AGBL1: variants seen among roughly 807,000 people sequenced by gnomAD.
AGBL1 encodes the protein cytosolic carboxypeptidase 4.
Under a neutral mutation model 118.9 loss-of-function variants are expected in AGBL1, and 130 were observed. The ratio of observed to expected loss-of-function variants is 1.09; its 90% CI spans 0.95 to 1.26. The LOEUF is 1.26. Ranked by LOEUF, AGBL1 falls within the 50% of genes most tolerant of loss-of-function variation. The probability of loss-of-function intolerance (pLI) is 0.00; values close to 1 mark genes in which losing one functional copy is unlikely to be tolerated. For synonymous variants in AGBL1, 555 were observed against 478.9 expected (o/e 1.16, Z -2.08); for missense variants, 1,584 against 1,298.1 (o/e 1.22, Z -3.38).
chr15:86,454,816 A>T (rs1315652187), intron 18 of AGBL1, among the ~76,000 whole-genome samples: 1 of 152,168 alleles, frequency 6.6e-6, no homozygotes, highest in Non-Finnish European at 1.5e-5. Flanking sequence ...GTGATTACAG[A>T]GATGTACCCG....
At chr15:86,990,203 T>C (rs538911762) in intron 24 of AGBL1, among the ~76,000 whole-genome samples, 15 of 152,112 alleles carry the variant, frequency 9.9e-5, no homozygotes, top group Middle Eastern at 6.8e-3. Flanking sequence ...TGAGAGAGGA[T>C]AGGGGCTTGG....
chr15:86,184,349 T>G (rs1163891348), intron 5 of AGBL1, among the ~76,000 whole-genome samples: 1 of 151,950 alleles, frequency 6.6e-6, no homozygotes, highest in Non-Finnish European at 1.5e-5. Context: ...AGTATAAGAG[T>G]GTATATTGGA....
chr15:86,843,593 G>C (rs898515004), intron 22 of AGBL1, among the ~76,000 whole-genome samples: 1 of 152,102 alleles, frequency 6.6e-6, no homozygotes, highest in African/African-American at 2.4e-5. Flanking sequence ...CCCCCAGGCA[G>C]GGAAATAAGG....
intron 1 of AGBL1, chr15:86,116,560 A>G (rs1332348312): frequency 6.6e-6 from 1 of 152,250 alleles, no homozygotes; most frequent in Non-Finnish European, 1.5e-5. Context: ...CAACACAAAG[A>G]CAGAGGAATG....
At chr15:86,770,465 A>G (rs991336642) in intron 22 of AGBL1, among the ~76,000 whole-genome samples, 3 of 151,978 alleles carry the variant, frequency 2.0e-5, no homozygotes, top group South Asian at 2.1e-4. Flanking sequence ...CCAGTTTCCT[A>G]CAACAGAATT....
intron 22 of AGBL1, among the ~76,000 whole-genome samples, chr15:86,734,250 C>G (rs533861253): frequency 6.6e-6 from 1 of 152,192 alleles, no homozygotes; most frequent in African/African-American, 2.4e-5. Context: ...GAAAACCAGG[C>G]TTGTGTGACT....
intron 4 of AGBL1, among the ~76,000 whole-genome samples, chr15:86,155,931 T>A (rs530585988): frequency 1.1e-4 from 16 of 152,182 alleles, no homozygotes; most frequent in African/African-American, 3.1e-4. Context: ...AATTTTTTTT[T>A]ATTTTTTTGA....
chr15:86,481,488 A>G (rs2082651132), intron 18 of AGBL1, among the ~76,000 whole-genome samples: 1 of 152,114 alleles, frequency 6.6e-6, no homozygotes, highest in Admixed American at 6.5e-5. Context: ...TCTGAATCCT[A>G]AGACATGTTG....
In AGBL1 at chr15:86,891,900, T is replaced by C. The variant is rs113922166; in HGVS notation, c.3159-15187T>C. ...GTTCAGTGGAGTTTCATCAACTAAT[T>C]AGGTAAATAGTTTGAATTACATGTC... On this transcript the variant is annotated intron_variant, in intron 22 of 22. Coordinates refer to ENST00000614907, the MANE Select transcript of AGBL1 (RefSeq NM_001386094.1). 7.9e-5 allele frequency among the ~76,000 whole-genome samples: 12 copies of C among 152,256 alleles called. 2 individuals carry two copies. Among genetic ancestry groups the C allele is most frequent in the African/African-American group, 2.9e-4 (12 of 41,570 alleles).
At chr15:86,526,463 A>C (rs1030883967) in intron 19 of AGBL1, among the ~76,000 whole-genome samples, 3 of 150,650 alleles carry the variant, frequency 2.0e-5, no homozygotes, top group Admixed American at 2.0e-4. Flanking sequence ...ATATGGAATC[A>C]ACCTAAGTCC....
At chr15:86,640,379 G>T (rs2085171040) in intron 21 of AGBL1, among the ~76,000 whole-genome samples, 1 of 152,014 alleles carries the variant, frequency 6.6e-6, no homozygotes, top group Non-Finnish European at 1.5e-5. Flanking sequence ...TTTAGAAATA[G>T]AAATGAGATA....
intron 1 of AGBL1, among the ~76,000 whole-genome samples, chr15:86,125,706 C>T (rs770865159): frequency 7.9e-5 from 12 of 152,166 alleles, no homozygotes; most frequent in Non-Finnish European, 1.5e-4. Flanking sequence ...GGGATCTCTG[C>T]ATATTAGTGT....
chr15:86,628,530 C>G (rs1230917607), intron 21 of AGBL1, among the ~76,000 whole-genome samples: 1 of 152,182 alleles, frequency 6.6e-6, no homozygotes, highest in Non-Finnish European at 1.5e-5. Context: ...GGCGCAGTGG[C>G]TCATGCCTGT....
intron 9 of AGBL1, among the ~76,000 whole-genome samples, chr15:86,261,719 A>T (rs567802952): frequency 6.6e-6 from 1 of 152,210 alleles, no homozygotes; most frequent in South Asian, 2.1e-4. Context: ...AGACCCTACA[A>T]CCCTTGGAAA....
chr15:86,797,829 G>A (rs1255089387), intron 22 of AGBL1, among the ~76,000 whole-genome samples: 1 of 152,162 alleles, frequency 6.6e-6, no homozygotes, highest in African/African-American at 2.4e-5. Context: ...TGGAGGTGGA[G>A]GCCTTAGAAT....
chr15:86,422,450 G>A (rs760455282), intron 18 of AGBL1, among the ~76,000 whole-genome samples: 9 of 152,104 alleles, frequency 5.9e-5, no homozygotes, highest in East Asian at 1.9e-4. Context: ...CTAAAGCAGC[G>A]TTTAGAGGGA....
intron 22 of AGBL1, among the ~76,000 whole-genome samples, chr15:86,905,050 C>G (rs1265289948): frequency 1.3e-5 from 2 of 152,080 alleles, no homozygotes; most frequent in Non-Finnish European, 2.9e-5. Context: ...ATGGAGTTAT[C>G]AAAATAGTCA....
intron 6 of AGBL1, among the ~76,000 whole-genome samples, chr15:86,227,618 T>C (rs16949653): frequency 0.033 from 5,062 of 152,346 alleles, 194 homozygotes; most frequent in African/African-American, 0.077. Flanking sequence ...TGAGAATCAC[T>C]GATGTGTATG....
At chr15:86,807,289 C>T (rs556839300) in intron 22 of AGBL1, among the ~76,000 whole-genome samples, 14 of 152,256 alleles carry the variant, frequency 9.2e-5, no homozygotes, top group Admixed American at 3.9e-4. Flanking sequence ...CTGACCATAA[C>T]TGTCCATTTA....
Sources: allele counts gnomAD v4.1 joint callset (sites outside exome capture counted in the v4.1 genomes callset), GRCh38; gene constraint gnomAD v4.1.1; transcripts MANE v1.5; gene names NCBI Gene and HGNC (gene_info 2026-07-23, HGNC 2026-07-21).